Variants in TMBIM4 observed in about 807,000 individuals in gnomAD.
TMBIM4 encodes transmembrane BAX inhibitor motif containing 4.
In TMBIM4, 28 loss-of-function variants were observed where a neutral mutation model predicts 27.7. The observed-to-expected ratio is 1.01, with a 90% confidence interval of 0.75 to 1.38. The LOEUF (loss-of-function observed/expected upper bound fraction) is 1.38. TMBIM4 is among the 40% of genes most tolerant of loss of function. The pLI is 0.00. For missense variants in TMBIM4, 265 were observed against 277.5 expected, an observed-to-expected ratio of 0.95 and a Z score of 0.32; for synonymous variants, 115 against 113.1, an observed-to-expected ratio of 1.02 and a Z score of -0.11.
At chr12:66,169,267 C>T in intron 1 of TMBIM4, 1 of 699,862 alleles carries the variant, frequency 1.4e-6, no homozygotes, top group Non-Finnish European at 2.6e-6. Flanking sequence ...TACGTAATAA[C>T]TTAAAACACA....
chr12:66,137,026 A>G lies in TMBIM4; in HGVS notation c.*934T>C, dbSNP rs904562420. 3.9e-5 allele frequency: 6 copies of G among 152,238 alleles called. No homozygotes were observed. Among genetic ancestry groups the G allele is most frequent in the Non-Finnish European group, 7.3e-5 (5 of 68,038 alleles). 9.4% of individuals were successfully genotyped at this position (152,238 alleles called of 1,614,324 possible). On this transcript the variant is annotated 3_prime_UTR_variant, in exon 7 of 7. Coordinates refer to ENST00000358230, the MANE Select transcript of TMBIM4 (RefSeq NM_016056.4). ...TGTCCTCTAACCACATTACCATTCT[A>G]TAATTTCAAATGAAATCTATACTTT...
intron 5 of TMBIM4, among the ~76,000 whole-genome samples, chr12:66,142,122 C>T (rs1489992719): frequency 6.6e-6 from 1 of 151,952 alleles, no homozygotes; most frequent in Non-Finnish European, 1.5e-5. Context: ...TAAGTTCTCT[C>T]ACAGTAACAG....
In TMBIM4 at chr12:66,153,338, AC is replaced by A. The variant is rs765902438; in HGVS notation, c.206+1del. 1.3e-6 allele frequency: 2 copies of A among 1,505,112 alleles called. No individual in the cohort carries two copies. Among genetic ancestry groups the A allele is most frequent in the South Asian group, 2.4e-5 (2 of 83,442 alleles). 93.2% of individuals were successfully genotyped at this position (1,505,112 alleles called of 1,614,324 possible). A position where few individuals can be genotyped will look rare whatever the true frequency, so the allele number is the denominator to read the frequency against. On this transcript the variant is annotated splice_donor_variant, in intron 2 of 6. Coordinates refer to ENST00000358230, the MANE Select transcript of TMBIM4 (RefSeq NM_016056.4). LOFTEE classifies it high-confidence loss of function. Reference sequence around the variant, plus strand: ...TTATTCATTACCATCTCATTACCTTACCTCTCATGTACAAATGTCCGTACAG... The same window carrying A: ...TTATTCATTACCATCTCATTACCTTACTCTCATGTACAAATGTCCGTACAG...
intron 3 of TMBIM4, among the ~76,000 whole-genome samples, chr12:66,151,014 C>A (rs912353573): frequency 2.7e-4 from 41 of 152,254 alleles, no homozygotes; most frequent in African/African-American, 9.6e-4. Flanking sequence ...CTCTTACATC[C>A]TTAAACTCCT....
chr12:66,162,917 CCTAA>C (rs1270246968), intron 1 of TMBIM4, among the ~76,000 whole-genome samples: 2 of 152,212 alleles, frequency 1.3e-5, no homozygotes, highest in African/African-American at 2.4e-5. Flanking sequence ...TAGTGGCCAA[CCTAA>C]CTAATGCCTT....
Position 66,165,209 on chromosome 12 carries a change from T to C in TMBIM4, c.97+4646A>G, listed in dbSNP as rs138938433. ...ATCTTTCACAGAAATAGAAAATCCA[T>C]TCTAAAATGTATATGGAATGTCAGG... On this transcript the variant is annotated intron_variant, in intron 1 of 6. Coordinates refer to ENST00000358230, the MANE Select transcript of TMBIM4 (RefSeq NM_016056.4). Among the ~76,000 whole-genome samples the C allele has an allele frequency of 4.7e-3, 708 of 152,120 alleles. 3 individuals are homozygous for C. The highest frequency in any genetic ancestry group is 0.016 in the African/African-American group (649 of 41,510).
chr12:66,160,799 C>T lies in TMBIM4; in HGVS notation c.98-7351G>A, dbSNP rs140135115. ...GCTCCTCACTTCCCAGACAGGGCGG[C>T]GGCCGGGCAGAGGTGCTCCTCACTT... On this transcript the variant is annotated intron_variant, in intron 1 of 6. Coordinates refer to ENST00000358230, the MANE Select transcript of TMBIM4 (RefSeq NM_016056.4). 3.9e-3 allele frequency among the ~76,000 whole-genome samples: 588 copies of T among 152,228 alleles called. 5 individuals carry two copies. The highest frequency in any genetic ancestry group is 0.014 in the African/African-American group (562 of 41,520).
At chr12:66,148,058 C>G (rs1435606116) in intron 3 of TMBIM4, 117 bp from the exon 4 acceptor site, 1 of 915,526 alleles carries the variant, frequency 1.1e-6, no homozygotes, top group East Asian at 2.8e-5. Context: ...AGCTTCAAAG[C>G]AGCCCTGCGA....
intron 1 of TMBIM4, among the ~76,000 whole-genome samples, chr12:66,167,272 G>C (rs1388510173): frequency 1.3e-5 from 2 of 152,164 alleles, no homozygotes; most frequent in African/African-American, 4.8e-5. Context: ...TGATAATGAG[G>C]TGTCCAGTCT....
At chr12:66,139,932 G>A (rs1182895269) in intron 5 of TMBIM4, among the ~76,000 whole-genome samples, 2 of 152,112 alleles carry the variant, frequency 1.3e-5, no homozygotes, top group Non-Finnish European at 2.9e-5. Flanking sequence ...TACCCTTAGG[G>A]CCAAATGAGC....
At chr12:66,145,040 T>C (rs920223295) in intron 5 of TMBIM4, among the ~76,000 whole-genome samples, 9 of 152,048 alleles carry the variant, frequency 5.9e-5, no homozygotes, top group Non-Finnish European at 1.3e-4. Flanking sequence ...GAAACATCCT[T>C]CCAAAGAAGG....
intron 1 of TMBIM4, among the ~76,000 whole-genome samples, chr12:66,164,089 A>G (rs564481786): frequency 6.6e-6 from 1 of 152,316 alleles, no homozygotes; most frequent in South Asian, 2.1e-4. Flanking sequence ...TGATCATCTC[A>G]ACTGATGCAG....
chr12:66,168,305 C>CA (rs1209854503), intron 1 of TMBIM4, among the ~76,000 whole-genome samples: 25 of 151,162 alleles, frequency 1.7e-4, no homozygotes, highest in Admixed American at 1.4e-3. Context: ...AAGCCAACCA[C>CA]AAAAAAACAA....
At chr12:66,160,115 G>A (rs1209174197) in intron 1 of TMBIM4, 1 of 684,718 alleles carries the variant, frequency 1.5e-6, no homozygotes, top group East Asian at 2.7e-5. Context: ...GCAGAGTTGA[G>A]GAGCTGCAAC....
At chr12:66,149,485 G>C (rs1056865017) in intron 3 of TMBIM4, among the ~76,000 whole-genome samples, 21 of 150,794 alleles carry the variant, frequency 1.4e-4, no homozygotes, top group South Asian at 6.3e-4. Context: ...AATTTTTTTG[G>C]GGGGGGCAGG....
rs925736137 is a variant in TMBIM4 at position 66,138,380 on chromosome 12, A to C, written c.511-214T>G. On this transcript the variant is annotated intron_variant, in intron 6 of 6. Coordinates refer to ENST00000358230, the MANE Select transcript of TMBIM4 (RefSeq NM_016056.4). Reference sequence around the variant, plus strand: ...TGAGTGGTTATATTCCATTAAACTAAATTACCCACTTTGAAAAACAGCATT... The same window carrying C: ...TGAGTGGTTATATTCCATTAAACTACATTACCCACTTTGAAAAACAGCATT... 4.8e-6 allele frequency: 3 copies of C among 621,376 alleles called. No homozygotes were observed. In the Admixed American group the frequency reaches 1.9e-4, roughly 39 times the overall value. The allele number at this position is 621,376 out of a possible 1,614,324, so 38.5% of individuals were successfully genotyped here. A position where few individuals can be genotyped will look rare whatever the true frequency, so the allele number is the denominator to read the frequency against.
At chr12:66,151,776 G>C (rs2051848647) in intron 3 of TMBIM4, among the ~76,000 whole-genome samples, 1 of 152,064 alleles carries the variant, frequency 6.6e-6, no homozygotes, top group Non-Finnish European at 1.5e-5. Context: ...TTTGAAAAAA[G>C]TTACTAATGC....
chr12:66,146,231 C>T (rs536572451), intron 4 of TMBIM4, among the ~76,000 whole-genome samples: 51 of 152,218 alleles, frequency 3.4e-4, no homozygotes, highest in Admixed American at 1.4e-3. Flanking sequence ...ACGCCTGTAG[C>T]CAGTTTGGAG....
At position 66,169,991 on chromosome 12, in the gene TMBIM4, G is replaced by A; in HGVS notation, c.-40C>T. 1 of 1,388,336 alleles carries A rather than the reference G, an allele frequency of 7.2e-7. No homozygotes were observed. The highest frequency in any genetic ancestry group is 9.6e-7 in the Non-Finnish European group (1 of 1,040,204). 86.0% of individuals were successfully genotyped at this position (1,388,336 alleles called of 1,614,324 possible). ...CCCTACCGGTCCCGGTCCACTAACCGCAACCGCCTCCTCCCCACTTCCGCG... is the reference window on the plus strand; with the variant it reads ...CCCTACCGGTCCCGGTCCACTAACCACAACCGCCTCCTCCCCACTTCCGCG... On this transcript the variant is annotated 5_prime_UTR_variant, in exon 1 of 7. Transcript: ENST00000358230.
Sources: gnomAD v4.1 joint callset for allele counts (sites outside exome capture counted in the v4.1 genomes callset) on GRCh38, gnomAD v4.1.1 for gene constraint, MANE v1.5 for transcripts, NCBI Gene and HGNC (gene_info 2026-07-23, HGNC 2026-07-21) for gene names.